Variants in ZNF329 observed in about 807,000 individuals in gnomAD.
The protein encoded by ZNF329 is zinc finger protein 329.
ZNF329 carries 15 observed loss-of-function variants against 26.6 expected under a neutral mutation model. The observed-to-expected ratio is 0.56, with a 90% confidence interval of 0.38 to 0.87. The LOEUF is 0.87. Ranked by LOEUF, ZNF329 falls within the 40% of genes least tolerant of loss-of-function variation. The probability of loss-of-function intolerance (pLI) is 0.00; values close to 1 mark genes in which losing one functional copy is unlikely to be tolerated. For missense variants in ZNF329, 651 were observed against 651.9 expected, an observed-to-expected ratio of 1.00 and a Z score of 0.02; for synonymous variants, 239 against 233.5, an observed-to-expected ratio of 1.02 and a Z score of -0.21.
chr19:58,130,447 C>T (rs2074912175), intron 3 of ZNF329, among the ~76,000 whole-genome samples: 1 of 151,618 alleles, frequency 6.6e-6, no homozygotes, highest in Non-Finnish European at 1.5e-5. Flanking sequence ...CCGAGGTGGG[C>T]AGATCACAAG....
intron 3 of ZNF329, among the ~76,000 whole-genome samples, chr19:58,133,658 A>T (rs531339341): frequency 2.6e-5 from 4 of 152,270 alleles, no homozygotes; most frequent in East Asian, 1.9e-4. Context: ...TTGTTCTTCA[A>T]AAAAACCCCA....
chr19:58,147,954 G>C lies in ZNF329; in HGVS notation c.-208+2798C>G, dbSNP rs536410671. Reference sequence around the variant, plus strand: ...AATGGCGGTTTTGTGGAATAGAAAGGGGGGAAAGGTGGGGAAAAGATTGAG... The same window carrying C: ...AATGGCGGTTTTGTGGAATAGAAAGCGGGGAAAGGTGGGGAAAAGATTGAG... On this transcript the variant is annotated intron_variant, in intron 1 of 3. Transcript: ENST00000598312. Among the ~76,000 whole-genome samples, 7 of 152,218 alleles carry C rather than the reference G, an allele frequency of 4.6e-5. No homozygotes were observed. In the South Asian group the frequency reaches 1.0e-3, roughly 23 times the overall value.
At position 58,134,711 on chromosome 19, in the gene ZNF329, G is replaced by A. The variant is rs186057994; in HGVS notation, c.-8-5200C>T. Among the ~76,000 whole-genome samples the A allele has an allele frequency of 4.2e-3, 644 of 152,176 alleles. 6 individuals carry two copies. Among genetic ancestry groups the A allele is most frequent in the African/African-American group, 0.015 (608 of 41,516 alleles). On this transcript the variant is annotated intron_variant, in intron 3 of 3. Transcript: ENST00000598312. ...AGCACTTTGGTAGGCTGAGGCAGGC[G>A]GATCACTTGAGGTCAGGAGTTCAAG...
Position 58,131,145 on chromosome 19 carries a change from G to GTGTGC in ZNF329, c.-8-1635_-8-1634insGCACA, listed in dbSNP as rs1555806917. 3.0e-3 allele frequency among the ~76,000 whole-genome samples: 457 copies of GTGTGC among 151,852 alleles called. 2 individuals are homozygous for GTGTGC. The highest frequency in any genetic ancestry group is 0.01 in the African/African-American group (429 of 41,292). On this transcript the variant is annotated intron_variant, in intron 3 of 3. Coordinates refer to ENST00000598312, the MANE Select transcript of ZNF329 (RefSeq NM_024620.4). ...TGTGTGTGTGTGTGTGTGTGTGCGC[G>GTGTGC]TGTATTTACATTTCAGAAGGATACA...
chr19:58,148,651 A>G (rs2075381459), intron 1 of ZNF329, among the ~76,000 whole-genome samples: 3 of 152,184 alleles, frequency 2.0e-5, no homozygotes, highest in East Asian at 1.9e-4. Flanking sequence ...CCAGGAGTTC[A>G]AGAACAGTCT....
intron 1 of ZNF329, among the ~76,000 whole-genome samples, chr19:58,148,097 A>C (rs2075366662): frequency 1.3e-5 from 2 of 151,808 alleles, no homozygotes; most frequent in African/African-American, 4.9e-5. Flanking sequence ...CTTACCCCCA[A>C]CCCTGTGCTC....
rs2074858835 is a variant in ZNF329 at position 58,128,634 on chromosome 19, T to A, written c.870A>T (p.Leu290=). The A allele has an allele frequency of 6.2e-7, 1 of 1,606,712 alleles. No individual in the cohort carries two copies. Among genetic ancestry groups the A allele is most frequent in the South Asian group, 1.1e-5 (1 of 89,804 alleles). The change falls in exon 4 of 4, where the codon CTA becomes CTT. Residue 290 remains leucine, a synonymous_variant. Transcript: ENST00000598312. ...TTCGGTTGAAGGTTTTTCCACACTC[T>A]AGGCATTCATAAGGTTTCTCGCCTG... ...IHTGEKPYEC[L]ECGKTFNRNS...
At chr19:58,141,427 T>G (rs1249201105) in intron 3 of ZNF329, among the ~76,000 whole-genome samples, 2 of 151,996 alleles carry the variant, frequency 1.3e-5, no homozygotes, top group South Asian at 2.1e-4. Flanking sequence ...GTCTCCCGAG[T>G]ACCTGGGATT....
chr19:58,140,418 T>TC (rs201760150), intron 3 of ZNF329, among the ~76,000 whole-genome samples: 2,195 of 150,670 alleles, frequency 0.015, 43 homozygotes, highest in African/African-American at 0.05. Context: ...CTCTTTCTTT[T>TC]TTTTTTTTTT....
At chr19:58,143,369 C>T (rs1238815978) in intron 1 of ZNF329, among the ~76,000 whole-genome samples, 171 bp from the exon 2 acceptor site, 3 of 152,128 alleles carry the variant, frequency 2.0e-5, no homozygotes, top group African/African-American at 4.8e-5. Flanking sequence ...TCTCACTAGA[C>T]CTGTAAAAGC....
At position 58,134,053 on chromosome 19, in the gene ZNF329, A is replaced by G. The variant is rs561759285; in HGVS notation, c.-8-4542T>C. The stretch of plus-strand genomic sequence containing the variant: ...AAGTCAGAATTAAAAGAATAAATGT[A>G]GTATAAAACATCTAAGCCCACAGAG... On this transcript the variant is annotated intron_variant, in intron 3 of 3. Coordinates refer to ENST00000598312, the MANE Select transcript of ZNF329 (RefSeq NM_024620.4). Among the ~76,000 whole-genome samples the G allele has an allele frequency of 5.3e-5, 8 of 152,302 alleles. No homozygotes were observed. In the South Asian group the frequency reaches 1.7e-3, roughly 32 times the overall value.
At chr19:58,139,290 C>T (rs973871240) in intron 3 of ZNF329, among the ~76,000 whole-genome samples, 3 of 151,918 alleles carry the variant, frequency 2.0e-5, no homozygotes, top group Non-Finnish European at 2.9e-5. Context: ...TCTAGAATAT[C>T]GAAAACTCTT....
rs768913162 is a variant in ZNF329 at position 58,129,151 on chromosome 19, C to T, written c.353G>A (p.Arg118Lys). 8 of 1,614,026 alleles carry T rather than the reference C, an allele frequency of 5.0e-6. No homozygotes were observed. In the East Asian group the frequency reaches 1.8e-4, roughly 36 times the overall value. ...TCCACAGGCATCACTGTCACCAGTTCTCTTATCTGCATAACTTTTAGGATA... is the reference window on the plus strand; with the variant it reads ...TCCACAGGCATCACTGTCACCAGTTTTCTTATCTGCATAACTTTTAGGATA... ...PSYPKSYADK[R>K]TGDSDACGKG... The change falls in exon 4 of 4, where the codon AGA (arginine) becomes AAA (lysine). Residue 118 changes from arginine to lysine, a missense_variant. Transcript: ENST00000598312.
chr19:58,151,374 T>G (rs1218320402), upstream of ZNF329, among the ~76,000 whole-genome samples: 1 of 152,030 alleles, frequency 6.6e-6, no homozygotes, highest in East Asian at 1.9e-4. Context: ...ACAAACGGAC[T>G]GGGCTCACCT....
intron 1 of ZNF329, among the ~76,000 whole-genome samples, chr19:58,143,422 T>C (rs1377589328): frequency 6.6e-6 from 1 of 152,062 alleles, no homozygotes; most frequent in Non-Finnish European, 1.5e-5. Context: ...TACTGATGCG[T>C]GACAAAATTC....
intron 3 of ZNF329, chr19:58,132,642 T>C (rs1051222710): frequency 6.9e-6 from 1 of 145,260 alleles, no homozygotes; most frequent in Non-Finnish European, 1.5e-5. Context: ...ATTATACCAT[T>C]GCACTCCAGC....
At chr19:58,129,773 T>A (rs2074895687) in intron 3 of ZNF329, among the ~76,000 whole-genome samples, 1 of 151,984 alleles carries the variant, frequency 6.6e-6, no homozygotes, top group South Asian at 2.1e-4. Flanking sequence ...ACCAAAAGGA[T>A]TAGTTTGAGA....
At position 58,127,484 on chromosome 19, in the gene ZNF329, GA is replaced by G. The variant is rs74269140; in HGVS notation, c.*393del. ...GCCACTGCACAGTGAGACTCTGTCC[GA>G]AAAAAAAAAAAAAGTTGATTCAGTG... On this transcript the variant is annotated 3_prime_UTR_variant, in exon 4 of 4. Transcript: ENST00000598312. 3,832 of 144,052 alleles carry G rather than the reference GA, an allele frequency of 0.027. 86 individuals are homozygous for G. The highest frequency in any genetic ancestry group is 0.07 in the African/African-American group (2,670 of 38,280). The allele number at this position is 144,052 out of a possible 1,614,324, so 8.9% of individuals were successfully genotyped here. A position where few individuals can be genotyped will look rare whatever the true frequency, so the allele number is the denominator to read the frequency against.
intron 1 of ZNF329, among the ~76,000 whole-genome samples, chr19:58,148,386 TCAA>T (rs1254092115): frequency 9.9e-6 from 1 of 101,218 alleles, no homozygotes; most frequent in Non-Finnish European, 1.9e-5. Flanking sequence ...CCAAGAATGA[TCAA>T]TTAAAAAAAA....
Sources: gnomAD v4.1 joint callset for allele counts (sites outside exome capture counted in the v4.1 genomes callset) on GRCh38, gnomAD v4.1.1 for gene constraint, MANE v1.5 for transcripts, NCBI Gene and HGNC (gene_info 2026-07-23, HGNC 2026-07-21) for gene names.